Variants in SLC41A2 observed in about 807,000 individuals in gnomAD.
SLC41A2 encodes the protein solute carrier family 41 member 2.
A neutral mutation model predicts 58.3 loss-of-function variants in SLC41A2; 32 were observed. The ratio of observed to expected loss-of-function variants is 0.55; its 90% CI spans 0.41 to 0.74. The LOEUF is 0.74. Among genes scored for constraint, SLC41A2 ranks in the 30% least tolerant of loss-of-function variants. The pLI, the probability that SLC41A2 is intolerant of heterozygous loss-of-function variation, is 0.00. For synonymous variants in SLC41A2, 190 were observed against 235.0 expected, an observed-to-expected ratio of 0.81 and a Z score of 1.75; for missense variants, 514 against 680.6, an observed-to-expected ratio of 0.76 and a Z score of 2.72.
chr12:104,810,643 C>T (rs1289932995), intron 10 of SLC41A2, among the ~76,000 whole-genome samples: 1 of 152,098 alleles, frequency 6.6e-6, no homozygotes, highest in Non-Finnish European at 1.5e-5. Context: ...TTACTTATTG[C>T]CTATTTAGCC....
chr12:104,806,191 T>C (rs926004813), intron 10 of SLC41A2, among the ~76,000 whole-genome samples: 10 of 152,174 alleles, frequency 6.6e-5, no homozygotes, highest in African/African-American at 2.4e-4. Context: ...ATTAGGTTTA[T>C]CTCCTAATGC....
At chr12:104,807,320 G>T (rs1302605290) in intron 10 of SLC41A2, among the ~76,000 whole-genome samples, 8 of 150,142 alleles carry the variant, frequency 5.3e-5, no homozygotes, top group South Asian at 2.1e-4. Context: ...TATTAAATAG[G>T]GAATCCTTTC....
rs1291437531 is a variant in SLC41A2 at position 104,958,190 on chromosome 12, C to T, written c.-270G>A. The T allele has an allele frequency of 2.0e-5, 3 of 151,866 alleles. No individual in the cohort carries two copies. The highest frequency in any genetic ancestry group is 7.3e-5 in the African/African-American group (3 of 41,370). The allele number at this position is 151,866 out of a possible 1,614,324, so 9.4% of individuals were successfully genotyped here. A position where few individuals can be genotyped will look rare whatever the true frequency, so the allele number is the denominator to read the frequency against. Reference sequence around the variant, plus strand: ...GGCGGGGGATGGAAGGGGCATTCACCTGGTGCCCGGCACCGGTGGTGGCGG... The same window carrying T: ...GGCGGGGGATGGAAGGGGCATTCACTTGGTGCCCGGCACCGGTGGTGGCGG... On this transcript the variant is annotated 5_prime_UTR_variant, in exon 1 of 11. Coordinates refer to ENST00000258538, the MANE Select transcript of SLC41A2 (RefSeq NM_001352171.3).
chr12:104,814,430 T>A (rs1965977), intron 10 of SLC41A2, among the ~76,000 whole-genome samples: 88,294 of 151,966 alleles, frequency 0.58, 26,085 homozygotes, highest in African/African-American at 0.66. Context: ...TTACAGATAC[T>A]TCTTACATGT....
At chr12:104,810,484 A>G (rs1051380443) in intron 10 of SLC41A2, among the ~76,000 whole-genome samples, 2 of 152,326 alleles carry the variant, frequency 1.3e-5, no homozygotes, top group East Asian at 1.9e-4. Flanking sequence ...ATTATATGAT[A>G]CATACACCAT....
chr12:104,895,098 A>G (rs941770485), intron 4 of SLC41A2, among the ~76,000 whole-genome samples, 176 bp downstream of exon 4: 5 of 152,182 alleles, frequency 3.3e-5, no homozygotes, highest in Non-Finnish European at 7.3e-5. Context: ...GAATAGTTTC[A>G]GAGCTCATAG....
chr12:104,913,764 G>A (rs2046189070), intron 2 of SLC41A2, among the ~76,000 whole-genome samples: 1 of 152,226 alleles, frequency 6.6e-6, no homozygotes, highest in Non-Finnish European at 1.5e-5. Context: ...CCAAATTTAT[G>A]TACCTCATCA....
At chr12:104,928,772 A>G (rs887627104) in intron 1 of SLC41A2, 78 bp from the exon 2 acceptor site, 1 of 321,800 alleles carries the variant, frequency 3.1e-6, no homozygotes, top group African/African-American at 2.1e-5. Flanking sequence ...CAATTCTTAT[A>G]AAGGTATTAA....
intron 1 of SLC41A2, among the ~76,000 whole-genome samples, chr12:104,935,367 CA>C (rs764380213): frequency 1.9e-4 from 28 of 143,858 alleles, no homozygotes; most frequent in Admixed American, 7.2e-4. Flanking sequence ...ATTCTCACCA[CA>C]AAAAAAAGTC....
chr12:104,810,003 A>G (rs1375623813), intron 10 of SLC41A2, among the ~76,000 whole-genome samples: 2 of 152,216 alleles, frequency 1.3e-5, no homozygotes, highest in African/African-American at 4.8e-5. Flanking sequence ...GATTGACGGA[A>G]TGCAAATCAG....
upstream of SLC41A2, chr12:104,958,527 C>G (rs760416320): frequency 5.9e-4 from 90 of 152,440 alleles, no homozygotes; most frequent in Non-Finnish European, 1.1e-3. Context: ...TTCTGGGGAG[C>G]CTGCCCAGGA....
intron 2 of SLC41A2, among the ~76,000 whole-genome samples, chr12:104,922,982 A>G (rs1368960620): frequency 6.6e-6 from 1 of 152,018 alleles, no homozygotes; most frequent in East Asian, 1.9e-4. Flanking sequence ...TCTTGCAACA[A>G]ATGAAAATGA....
At chr12:104,828,510 C>G (rs2041929652) in intron 10 of SLC41A2, among the ~76,000 whole-genome samples, 1 of 152,114 alleles carries the variant, frequency 6.6e-6, no homozygotes, top group Non-Finnish European at 1.5e-5. Flanking sequence ...GTAACACACG[C>G]CCACTGGTGC....
At chr12:104,880,784 T>G (rs2044326103) in intron 6 of SLC41A2, among the ~76,000 whole-genome samples, 1 of 152,174 alleles carries the variant, frequency 6.6e-6, no homozygotes, top group Non-Finnish European at 1.5e-5. Context: ...TCTCTTTTTT[T>G]GTTGTGTCTC....
rs1491076091 is a variant in SLC41A2 at position 104,924,755 on chromosome 12, AAG to A, written c.555+3216_555+3217del. ...GTGAAACTCTGTCTCAAAAAAAAAA[AAG>A]AGTCTGGAAGCACCATTCCTCCCAA... On this transcript the variant is annotated intron_variant, in intron 2 of 10. Coordinates refer to ENST00000258538, the MANE Select transcript of SLC41A2 (RefSeq NM_001352171.3). Among the ~76,000 whole-genome samples the A allele has an allele frequency of 1.6e-4, 24 of 152,244 alleles. No homozygotes were observed. In the South Asian group the frequency reaches 4.6e-3, roughly 29 times the overall value.
chr12:104,926,626 A>G (rs1338279477), intron 2 of SLC41A2, among the ~76,000 whole-genome samples: 1 of 152,120 alleles, frequency 6.6e-6, no homozygotes. Context: ...CTACAAATCA[A>G]TAAGTAGCAC....
intron 6 of SLC41A2, among the ~76,000 whole-genome samples, chr12:104,876,230 G>A (rs941887952): frequency 2.0e-5 from 3 of 151,790 alleles, no homozygotes; most frequent in African/African-American, 7.3e-5. Context: ...TTTTGTTAAT[G>A]TATTTTTCTA....
chr12:104,900,475 A>G (rs1046068364), intron 3 of SLC41A2, among the ~76,000 whole-genome samples: 2 of 152,352 alleles, frequency 1.3e-5, no homozygotes, highest in African/African-American at 4.8e-5. Context: ...TATATTATAT[A>G]TCTAAACTCA....
At chr12:104,880,747 T>G (rs1180864694) in intron 6 of SLC41A2, among the ~76,000 whole-genome samples, 2 of 152,226 alleles carry the variant, frequency 1.3e-5, no homozygotes, top group Admixed American at 1.3e-4. Context: ...TTTGTGTCAA[T>G]GTTTATCAGG....
Sources: allele counts gnomAD v4.1 joint callset (sites outside exome capture counted in the v4.1 genomes callset), GRCh38; gene constraint gnomAD v4.1.1; transcripts MANE v1.5; gene names NCBI Gene and HGNC (gene_info 2026-07-23, HGNC 2026-07-21).